The following ZNF544 variants were observed in gnomAD, a reference collection of about 807,000 sequenced individuals.
ZNF544 encodes the protein zinc finger protein AF020591.
In ZNF544, 10 loss-of-function variants were observed where a neutral mutation model predicts 13.5. That is an observed-to-expected ratio of 0.74 (90% CI 0.46 to 1.25). ZNF544 has a LOEUF of 1.25. ZNF544 is among the 50% of genes most tolerant of loss of function. The probability of loss-of-function intolerance (pLI) is 0.00; values close to 1 mark genes in which losing one functional copy is unlikely to be tolerated. For synonymous variants in ZNF544, 323 were observed against 300.5 expected (o/e 1.07, Z -0.77); for missense variants, 896 against 845.6 (o/e 1.06, Z -0.74).
intron 5 of ZNF544, among the ~76,000 whole-genome samples, chr19:58,273,945 G>A (rs1045867112): frequency 6.6e-6 from 1 of 151,600 alleles, no homozygotes; most frequent in African/African-American, 2.4e-5. Flanking sequence ...ACAGGCGCAT[G>A]CCACCACACC....
chr19:58,266,103 G>T (rs917454154), downstream of ZNF544, among the ~76,000 whole-genome samples: 5 of 151,654 alleles, frequency 3.3e-5, no homozygotes, highest in African/African-American at 1.2e-4. Flanking sequence ...CTACTCGGGA[G>T]GCTGAGGCAG....
downstream of ZNF544, among the ~76,000 whole-genome samples, chr19:58,266,200 G>A (rs1464173645): frequency 5.6e-5 from 6 of 107,482 alleles, no homozygotes; most frequent in East Asian, 9.4e-4. Context: ...AGCGAAAAGC[G>A]AGACTCTGTC....
rs763229379 is a variant in ZNF544, at chr19:58,262,508, C to T, written c.1902C>T (p.Cys634=). The T allele has an allele frequency of 8.1e-6, 13 of 1,614,200 alleles. No individual in the cohort carries two copies. The African/African-American group carries it at 1.5e-4, about 18-fold the overall frequency. The change falls in exon 7 of 7, where the codon TGC becomes TGT. Residue 634 remains cysteine, a synonymous_variant. Transcript: ENST00000687789. ...QIHTGEKPYK[C]NQCNKAFARS... ...ACACTGGGGAGAAGCCGTACAAATG[C>T]AATCAGTGCAATAAAGCCTTTGCAA...
chr19:58,267,223 A>T (rs1208020937), downstream of ZNF544: 1 of 151,960 alleles, frequency 6.6e-6, no homozygotes, highest in Non-Finnish European at 1.5e-5. Context: ...CACCATGCCA[A>T]GCTATTTTTT....
chr19:58,252,242 G>T (rs1396440726), intron 6 of ZNF544, among the ~76,000 whole-genome samples: 1 of 152,194 alleles, frequency 6.6e-6, no homozygotes, highest in East Asian at 1.9e-4. Context: ...ACTTTGGCAA[G>T]AAATCCATAT....
intron 6 of ZNF544, chr19:58,251,157 A>G (rs973336208): frequency 8.7e-6 from 3 of 344,574 alleles, no homozygotes; most frequent in African/African-American, 6.4e-5. Context: ...TAATTATTAC[A>G]AAGGAAGTTA....
At chr19:58,277,055 G>A in intron 6 of ZNF544, 1 of 495,808 alleles carries the variant, frequency 2.0e-6, no homozygotes, top group East Asian at 3.5e-5. Context: ...GTCTGATTAT[G>A]TGGCATTTAG....
intron 6 of ZNF544, 105 bp downstream of exon 6, chr19:58,246,899 C>G: frequency 9.5e-7 from 1 of 1,048,508 alleles, no homozygotes; most frequent in Non-Finnish European, 1.4e-6. Flanking sequence ...TTGGAGGAAG[C>G]CTCCTTGGGT....
chr19:58,265,392 T>G (rs2147782311), downstream of ZNF544, among the ~76,000 whole-genome samples: 1 of 150,308 alleles, frequency 6.7e-6, no homozygotes, highest in East Asian at 2.0e-4. Context: ...ACCTCCTGGG[T>G]TCACGCCACT....
intron 6 of ZNF544, among the ~76,000 whole-genome samples, chr19:58,276,610 G>C (rs1429758458): frequency 6.6e-6 from 1 of 152,174 alleles, no homozygotes; most frequent in Admixed American, 6.5e-5. Flanking sequence ...TGGGATTACA[G>C]GTGCCCGCCA....
chr19:58,244,856 C>T (rs946178495), intron 4 of ZNF544, among the ~76,000 whole-genome samples: 1 of 152,006 alleles, frequency 6.6e-6, no homozygotes, highest in East Asian at 1.9e-4. Context: ...GAATCACAGG[C>T]GTGAGCCACC....
At chr19:58,273,496 C>T (rs1253839404) in intron 5 of ZNF544, among the ~76,000 whole-genome samples, 1 of 151,900 alleles carries the variant, frequency 6.6e-6, no homozygotes, top group Non-Finnish European at 1.5e-5. Flanking sequence ...AGAGACCCGC[C>T]TGGCCAACAG....
chr19:58,274,839 C>T lies in ZNF544; in HGVS notation c.245-1484C>T, dbSNP rs566887592. Reference sequence around the variant, plus strand: ...GACTCATCCAGCAGCCTCTGGAAAACTCTATTGTATATTCCTATGAAAATG... The same window carrying T: ...GACTCATCCAGCAGCCTCTGGAAAATTCTATTGTATATTCCTATGAAAATG... On this transcript the variant is annotated intron_variant, in intron 5 of 6. Coordinates refer to the ZNF544 transcript ENST00000595981. Among the ~76,000 whole-genome samples, 7 of 152,230 alleles carry T rather than the reference C, an allele frequency of 4.6e-5. No homozygotes were observed. In the South Asian group the frequency reaches 1.5e-3, roughly 32 times the overall value.
intron 3 of ZNF544, among the ~76,000 whole-genome samples, chr19:58,238,127 TC>T (rs2146690546): frequency 6.6e-6 from 1 of 152,334 alleles, no homozygotes; most frequent in South Asian, 2.1e-4. Context: ...AGACGGGGTT[TC>T]ACCATGTTGG....
At chr19:58,230,606 C>T (rs1022411044) in intron 3 of ZNF544, 144 bp downstream of exon 3, 1 of 152,588 alleles carries the variant, frequency 6.6e-6, no homozygotes, top group Non-Finnish European at 1.5e-5. Flanking sequence ...AGGCCAGGAG[C>T]ATCAGGACAA....
downstream of ZNF544, among the ~76,000 whole-genome samples, chr19:58,268,161 T>C (rs2050172122): frequency 1.3e-5 from 2 of 151,890 alleles, no homozygotes; most frequent in Non-Finnish European, 1.5e-5. Context: ...TAGCCGGGCA[T>C]GGTGGTGCAT....
rs2147729848 is a variant in ZNF544, at chr19:58,262,629, C to T, written c.2023C>T (p.Leu675Phe). 1 of 1,613,942 alleles carries T rather than the reference C, an allele frequency of 6.2e-7. No individual in the cohort carries two copies. The highest frequency in any genetic ancestry group is 1.3e-5 in the African/African-American group (1 of 75,032). ...CGKAFSGSSNLLSHHRIHSGE... is the reference protein window; with the variant it reads ...CGKAFSGSSNFLSHHRIHSGE... ...GAAAGCCTTTTCAGGGAGCTCTAAC[C>T]TTCTTTCCCATCACAGAATTCATTC... Residue 675 changes from leucine (L) to phenylalanine (F), a missense_variant, in exon 7 of 7, where the codon CTT becomes TTT. Leu to Phe is a conservative substitution (Grantham distance 22). Transcript: ENST00000687789.
chr19:58,238,474 T>G (rs571733742), intron 3 of ZNF544, among the ~76,000 whole-genome samples: 1 of 152,206 alleles, frequency 6.6e-6, no homozygotes, highest in Non-Finnish European at 1.5e-5. Flanking sequence ...GAGCGGTGCA[T>G]AGTGCCTGGA....
Position 58,262,873 on chromosome 19 carries a change from C to T in ZNF544, c.*119C>T. On this transcript the variant is annotated 3_prime_UTR_variant, in exon 7 of 7. Coordinates refer to ENST00000687789, the MANE Select transcript of ZNF544 (RefSeq NM_014480.4). ...GTGTATTAAGCCAGCGGTTGTGACT[C>T]ATTGAACATCAGAGGACATATCCTG... 1 of 1,491,406 alleles carries T rather than the reference C, an allele frequency of 6.7e-7. No individual in the cohort carries two copies. The highest frequency in any genetic ancestry group is 8.9e-7 in the Non-Finnish European group (1 of 1,125,028). 92.4% of individuals were successfully genotyped at this position (1,491,406 alleles called of 1,614,324 possible).
Sources: allele counts gnomAD v4.1 joint callset (sites outside exome capture counted in the v4.1 genomes callset), GRCh38; gene constraint gnomAD v4.1.1; transcripts MANE v1.5; gene names NCBI Gene and HGNC (gene_info 2026-07-23, HGNC 2026-07-21).